The following TXNDC11 variants were observed in gnomAD, a reference collection of about 807,000 sequenced individuals.
TXNDC11 encodes the protein thioredoxin domain-containing protein 11.
In TXNDC11, 68 loss-of-function variants were observed where a neutral mutation model predicts 78.0. The observed-to-expected ratio is 0.87, with a 90% CI of 0.72 to 1.07. TXNDC11 has a LOEUF of 1.07. Ranked by LOEUF, TXNDC11 falls within the 50% of genes least tolerant of loss-of-function variation. The pLI is 0.00. For missense variants in TXNDC11, 1,389 were observed against 1,221.8 expected (o/e 1.14, Z -2.04); for synonymous variants, 571 against 495.2 (o/e 1.15, Z -2.03).
At chr16:11,684,132 A>C (rs759950936) in intron 11 of TXNDC11, 33 bp downstream of exon 11, 1 of 1,474,246 alleles carries the variant, frequency 6.8e-7, no homozygotes, top group Non-Finnish European at 9.5e-7. Context: ...AAAGAATCCC[A>C]ACTGCCCACC....
chr16:11,727,957 C>T lies in TXNDC11; in HGVS notation c.699+2688G>A, dbSNP rs547929286. Among the ~76,000 whole-genome samples the T allele has an allele frequency of 2.2e-4, 33 of 152,274 alleles. No homozygotes were observed. In the South Asian group the frequency reaches 5.6e-3, roughly 26 times the overall value. On this transcript the variant is annotated intron_variant, in intron 4 of 11. Coordinates refer to ENST00000283033, the MANE Select transcript of TXNDC11 (RefSeq NM_015914.7). ...TGAGGGGAGAAAAGGGTGCTACCAA[C>T]ATCTAGTGGGTGGAGGCCAGGGATA... is the stretch of plus-strand genomic sequence containing the variant.
intron 1 of TXNDC11, among the ~76,000 whole-genome samples, chr16:11,737,391 G>A (rs2052255544): frequency 6.6e-6 from 1 of 151,306 alleles, no homozygotes; most frequent in Non-Finnish European, 1.5e-5. Context: ...GTTGCAGTGA[G>A]CCGAGATTGC....
At position 11,698,251 on chromosome 16, in the gene TXNDC11, G is replaced by A. The variant is rs375873603; in HGVS notation, c.981C>T (p.Leu327=). 4 of 1,614,086 alleles carry A rather than the reference G, an allele frequency of 2.5e-6. No homozygotes were observed. The highest frequency in any genetic ancestry group is 2.2e-5 in the East Asian group (1 of 44,894). ...CKWALENQET[L]FRWLRPHGGK... ...CTCCGTGTGGCCGCAGCCACCGAAA[G>A]AGCGTCTCCTGGTTTTCTAAGGCCC... The change falls in exon 7 of 12, where the codon CTC becomes CTT. Residue 327 remains leucine (L), a synonymous_variant. Coordinates refer to ENST00000283033, the MANE Select transcript of TXNDC11 (RefSeq NM_015914.7).
In TXNDC11 at chr16:11,695,827, C is replaced by T. The variant is rs12599201; in HGVS notation, c.1107+2298G>A. Among the ~76,000 whole-genome samples, 49 of 152,162 alleles carry T rather than the reference C, an allele frequency of 3.2e-4. No individual in the cohort carries two copies. The East Asian group carries it at 8.9e-3, about 28-fold the overall frequency. Reference sequence around the variant, plus strand: ...GAAGACCGATCGCTTGAGCCCAGGGCTTTTGAAACCTGCCTGGGTAACATG... The same window carrying T: ...GAAGACCGATCGCTTGAGCCCAGGGTTTTTGAAACCTGCCTGGGTAACATG... On this transcript the variant is annotated intron_variant, in intron 7 of 11. Transcript: ENST00000283033.
At chr16:11,733,492 A>G (rs2052117528) in intron 3 of TXNDC11, among the ~76,000 whole-genome samples, 1 of 151,800 alleles carries the variant, frequency 6.6e-6, no homozygotes, top group Non-Finnish European at 1.5e-5. Flanking sequence ...GCGCCACTGC[A>G]CTCCAGCCTG....
At position 11,707,060 on chromosome 16, in the gene TXNDC11, C is replaced by T. The variant is rs148881366; in HGVS notation, c.794-6496G>A. Among the ~76,000 whole-genome samples the T allele has an allele frequency of 9.0e-3, 1,371 of 152,092 alleles. 25 individuals carry two copies. Among genetic ancestry groups the T allele is most frequent in the African/African-American group, 0.03 (1,261 of 41,468 alleles). ...ATATTTGGGGATCCTAGAACTAATCCCCAATCTATACCAAGGGAAAACTGT... is the reference window on the plus strand; with the variant it reads ...ATATTTGGGGATCCTAGAACTAATCTCCAATCTATACCAAGGGAAAACTGT... On this transcript the variant is annotated intron_variant, in intron 5 of 11. Transcript: ENST00000283033.
At chr16:11,742,361 G>A in intron 1 of TXNDC11, 116 bp downstream of exon 1, 1 of 838,428 alleles carries the variant, frequency 1.2e-6, no homozygotes, top group Non-Finnish European at 1.6e-6. Context: ...CAGCCGTCCT[G>A]GGCAAGGTCA....
chr16:11,726,283 T>C (rs1471149803), intron 4 of TXNDC11, among the ~76,000 whole-genome samples: 1 of 152,056 alleles, frequency 6.6e-6, no homozygotes, highest in Non-Finnish European at 1.5e-5. Flanking sequence ...TTCCATTGGT[T>C]AAAAACTTCC....
intron 3 of TXNDC11, among the ~76,000 whole-genome samples, chr16:11,731,313 C>T (rs1597491200): frequency 6.6e-6 from 1 of 152,294 alleles, no homozygotes; most frequent in African/African-American, 2.4e-5. Context: ...ACAACAATAA[C>T]AAATTATGTG....
intron 7 of TXNDC11, 96 bp from the exon 8 acceptor site, chr16:11,692,178 A>G (rs571407219): frequency 2.1e-6 from 2 of 964,652 alleles, no homozygotes; most frequent in South Asian, 1.9e-5. Flanking sequence ...TCAGTTATCC[A>G]TGGTCAACTC....
intron 5 of TXNDC11, among the ~76,000 whole-genome samples, chr16:11,714,759 G>C (rs1028780289): frequency 6.6e-6 from 1 of 152,132 alleles, no homozygotes; most frequent in Non-Finnish European, 1.5e-5. Context: ...GGCAGCATCA[G>C]ACGCCACCTG....
intron 7 of TXNDC11, 124 bp from the exon 8 acceptor site, chr16:11,692,206 A>C: frequency 1.4e-6 from 1 of 731,544 alleles, no homozygotes; most frequent in Non-Finnish European, 2.2e-6. Context: ...AAAATACTAA[A>C]TGGAAAATTC....
chr16:11,732,924 A>C (rs2052097201), intron 3 of TXNDC11, among the ~76,000 whole-genome samples: 1 of 152,146 alleles, frequency 6.6e-6, no homozygotes, highest in South Asian at 2.1e-4. Flanking sequence ...ACTTTCAACA[A>C]ACTTCAAGCC....
In TXNDC11 at chr16:11,730,645, C is replaced by G. The variant is rs770607314; in HGVS notation, c.699G>C (p.Glu233Asp). ...AGGAGGAGATATGAAAGACAAGTAC[C>G]TCGTAGTTTGAGAGAAAATCTAGTA... ...SELLDFLSNY[E>D]PGVLGYFEFS... Residue 233 changes from glutamate to aspartate, a missense_variant and splice_region_variant, in exon 4 of 12, where the codon GAG becomes GAC. Glu to Asp is a conservative substitution (Grantham distance 45). Coordinates refer to ENST00000283033, the MANE Select transcript of TXNDC11 (RefSeq NM_015914.7). 6.2e-7 allele frequency: 1 copy of G among 1,613,266 alleles called. No individual in the cohort carries two copies. Among genetic ancestry groups the G allele is most frequent in the Non-Finnish European group, 8.5e-7 (1 of 1,179,514 alleles).
chr16:11,686,700 T>C (rs1358264839), intron 10 of TXNDC11, among the ~76,000 whole-genome samples: 2 of 152,254 alleles, frequency 1.3e-5, no homozygotes, highest in African/African-American at 2.4e-5. Flanking sequence ...TAGGTTATAA[T>C]TTCCCCACTT....
intron 5 of TXNDC11, among the ~76,000 whole-genome samples, chr16:11,718,432 G>C (rs2051607180): frequency 1.3e-5 from 2 of 152,006 alleles, no homozygotes; most frequent in Admixed American, 6.6e-5. Context: ...CTCCAGCCTT[G>C]ATCTGTACAT....
chr16:11,730,139 G>A (rs548616957), intron 4 of TXNDC11, among the ~76,000 whole-genome samples: 2 of 152,244 alleles, frequency 1.3e-5, no homozygotes, highest in Non-Finnish European at 2.9e-5. Flanking sequence ...TGGCAGTGGG[G>A]AAGCAGGAAA....
intron 5 of TXNDC11, among the ~76,000 whole-genome samples, chr16:11,710,812 CAAAT>C (rs2051328471): frequency 6.6e-6 from 1 of 152,138 alleles, no homozygotes; most frequent in South Asian, 2.1e-4. Context: ...GAGACCCTGT[CAAAT>C]AAATAAATAA....
chr16:11,717,522 G>T (rs976632816), intron 5 of TXNDC11, among the ~76,000 whole-genome samples: 9 of 146,096 alleles, frequency 6.2e-5, no homozygotes, highest in Admixed American at 5.5e-4. Context: ...AATAACAGAA[G>T]TAAAAAAGGC....
Sources: allele counts gnomAD v4.1 joint callset (sites outside exome capture counted in the v4.1 genomes callset), GRCh38; gene constraint gnomAD v4.1.1; transcripts MANE v1.5; gene names NCBI Gene and HGNC (gene_info 2026-07-23, HGNC 2026-07-21).